The following ZWILCH variants were observed in gnomAD, a reference collection of about 807,000 sequenced individuals.
The protein encoded by ZWILCH is zwilch kinetochore protein.
A neutral mutation model predicts 79.9 loss-of-function variants in ZWILCH; 74 were observed. The observed-to-expected ratio is 0.93, with a 90% CI of 0.77 to 1.12. The LOEUF (loss-of-function observed/expected upper bound fraction) is 1.12. ZWILCH is among the 50% of genes most tolerant of loss of function. The pLI, the probability that ZWILCH is intolerant of heterozygous loss-of-function variation, is 0.00. For synonymous variants in ZWILCH, 241 were observed against 228.2 expected (o/e 1.06, Z -0.51); for missense variants, 694 against 687.5 (o/e 1.01, Z -0.11).
At chr15:66,520,324 T>C (rs937010233) in intron 5 of ZWILCH, among the ~76,000 whole-genome samples, 1 of 152,114 alleles carries the variant, frequency 6.6e-6, no homozygotes, top group African/African-American at 2.4e-5. Flanking sequence ...TCTTGCTATG[T>C]TGCCCAGGCT....
chr15:66,535,905 C>T (rs1894999902), intron 14 of ZWILCH, 28 bp from the exon 15 acceptor site: 1 of 1,577,882 alleles, frequency 6.3e-7, no homozygotes, highest in Non-Finnish European at 8.6e-7. Context: ...CTTTAAATCT[C>T]TATTTTGCTT....
intron 4 of ZWILCH, 45 bp downstream of exon 4, chr15:66,515,689 A>T: frequency 7.7e-7 from 1 of 1,296,490 alleles, no homozygotes; most frequent in East Asian, 2.3e-5. Flanking sequence ...CTAGGATTTA[A>T]ATTGAAACAT....
intron 5 of ZWILCH, 109 bp downstream of exon 5, chr15:66,519,187 A>G (rs1894401765): frequency 9.4e-7 from 1 of 1,066,142 alleles, no homozygotes; most frequent in Non-Finnish European, 1.4e-6. Flanking sequence ...TGCACAAGGT[A>G]GAACTTGCAT....
chr15:66,518,959 C>T lies in ZWILCH; in HGVS notation c.401C>T (p.Pro134Leu). Residue 134 changes from proline (P) to leucine (L), a missense_variant, in exon 5 of 19, where the codon CCT becomes CTT. Transcript: ENST00000307897. ...LKINLPVTAL[P>L]PLWVRCDSSD... Reference sequence around the variant, plus strand: ...ATTAATCTGCCAGTTACTGCCCTTCCTCCCCTTTGGGTAAGATGTGACAGT... The same window carrying T: ...ATTAATCTGCCAGTTACTGCCCTTCTTCCCCTTTGGGTAAGATGTGACAGT... 6.2e-7 allele frequency: 1 copy of T among 1,614,182 alleles called. No homozygotes were observed. The highest frequency in any genetic ancestry group is 1.1e-5 in the South Asian group (1 of 91,090).
intron 8 of ZWILCH, among the ~76,000 whole-genome samples, chr15:66,526,751 G>A (rs1005657460): frequency 1.4e-4 from 21 of 151,872 alleles, no homozygotes; most frequent in African/African-American, 4.4e-4. Flanking sequence ...TGTGAGCCAC[G>A]GCGCCCGGCA....
chr15:66,509,851 A>G (rs868032795), intron 2 of ZWILCH, among the ~76,000 whole-genome samples: 3 of 91,974 alleles, frequency 3.3e-5, no homozygotes, highest in Admixed American at 1.2e-4. Context: ...ATATATATAT[A>G]TATATATATA....
intron 16 of ZWILCH, among the ~76,000 whole-genome samples, chr15:66,537,723 G>A (rs1411428327): frequency 6.6e-6 from 1 of 151,810 alleles, no homozygotes; most frequent in Non-Finnish European, 1.5e-5. Flanking sequence ...TAATAAATAA[G>A]CATTTTAATT....
chr15:66,521,128 G>A lies in ZWILCH; in HGVS notation c.670G>A (p.Ala224Thr), dbSNP rs750272676. The A allele has an allele frequency of 9.9e-6, 16 of 1,613,992 alleles. No individual in the cohort carries two copies. The highest frequency in any genetic ancestry group is 1.3e-5 in the African/African-American group (1 of 74,916). Residue 224 changes from alanine to threonine, a missense_variant, in exon 7 of 19, where the codon GCG becomes ACG. Transcript: ENST00000307897. ...LDDTITASQT[A>T]IALDISWSPV... ...TGATACAATCACAGCATCACAAACT[G>A]CGATCGCTTTGGATATTTCCTGGAG...
At chr15:66,544,724 T>TTTTG (rs145952622) in intron 17 of ZWILCH, among the ~76,000 whole-genome samples, 31 of 128,544 alleles carry the variant, frequency 2.4e-4, no homozygotes, top group Middle Eastern at 8.0e-3. Flanking sequence ...TTTTTGGTTT[T>TTTTG]TGTGTGTGTG....
At chr15:66,540,390 A>G (rs1377156837) in intron 17 of ZWILCH, among the ~76,000 whole-genome samples, 180 bp downstream of exon 17, 1 of 151,950 alleles carries the variant, frequency 6.6e-6, no homozygotes, top group East Asian at 2.0e-4. Flanking sequence ...CATCTCTACT[A>G]AAAATACAAA....
At chr15:66,517,983 G>A (rs559448852) in intron 4 of ZWILCH, among the ~76,000 whole-genome samples, 19 of 151,556 alleles carry the variant, frequency 1.3e-4, no homozygotes, top group African/African-American at 4.1e-4. Context: ...TGCCCACCTC[G>A]GCCTCCCAAA....
chr15:66,532,976 T>C lies in ZWILCH; in HGVS notation c.1313-9T>C. 1 of 1,559,228 alleles carries C rather than the reference T, an allele frequency of 6.4e-7. No homozygotes were observed. Among genetic ancestry groups the C allele is most frequent in the East Asian group, 2.3e-5 (1 of 43,444 alleles). ...AGTGTTTTTGCATGTATGTGTTTTTTCTTAATAGGTCAGGAACTTGCATCT... is the reference window on the plus strand; with the variant it reads ...AGTGTTTTTGCATGTATGTGTTTTTCCTTAATAGGTCAGGAACTTGCATCT... On this transcript the variant is annotated splice_polypyrimidine_tract_variant and intron_variant, in intron 13 of 18. Transcript: ENST00000307897.
chr15:66,508,714 C>T (rs1324971603), intron 1 of ZWILCH, 127 bp from the exon 2 acceptor site: 2 of 1,464,456 alleles, frequency 1.4e-6, no homozygotes, highest in African/African-American at 1.4e-5. Flanking sequence ...CTTAGGGCTG[C>T]TGTAAGTACT....
At chr15:66,515,794 A>G (rs762104717) in intron 4 of ZWILCH, 150 bp downstream of exon 4, 72 of 669,510 alleles carry the variant, frequency 1.1e-4, no homozygotes, top group Non-Finnish European at 1.6e-4. Context: ...GGATAGTTCT[A>G]CTTGAATATT....
chr15:66,512,675 T>G (rs868477462), intron 2 of ZWILCH, among the ~76,000 whole-genome samples: 1 of 152,312 alleles, frequency 6.6e-6, no homozygotes, highest in East Asian at 1.9e-4. Flanking sequence ...TGGCATGATA[T>G]CGGCTCACTG....
At position 66,548,843 on chromosome 15, in the gene ZWILCH, A is replaced by G. The variant is rs1322632560; in HGVS notation, c.*519A>G. ...ATAAATGCCTGAATTTGGTTCTTCT[A>G]CAGGTGCTATAATAAAGTCCATCTC... On this transcript the variant is annotated 3_prime_UTR_variant, in exon 19 of 19. Transcript: ENST00000307897. 3 of 284,472 alleles carry G rather than the reference A, an allele frequency of 1.1e-5. No homozygotes were observed. The highest frequency in any genetic ancestry group is 2.2e-5 in the African/African-American group (1 of 46,268). 17.6% of individuals were successfully genotyped at this position (284,472 alleles called of 1,614,324 possible). A position where few individuals can be genotyped will look rare whatever the true frequency, so the allele number is the denominator to read the frequency against.
intron 14 of ZWILCH, 54 bp from the exon 15 acceptor site, chr15:66,535,879 A>G: frequency 6.6e-7 from 1 of 1,515,992 alleles, no homozygotes; most frequent in Non-Finnish European, 8.8e-7. Context: ...TATTCTTTAC[A>G]AAGGTTACAC....
chr15:66,536,198 A>C, intron 15 of ZWILCH, 129 bp downstream of exon 15: 1 of 794,432 alleles, frequency 1.3e-6, no homozygotes, highest in South Asian at 2.2e-5. Context: ...AGTAGCATGC[A>C]TGAGTCTAAG....
chr15:66,505,724 C>T (rs1044040548), intron 1 of ZWILCH: 6 of 372,660 alleles, frequency 1.6e-5, no homozygotes, highest in African/African-American at 1.1e-4. Context: ...TGGCATCCTT[C>T]CCCTGTTTAA....
Sources: allele counts gnomAD v4.1 joint callset (sites outside exome capture counted in the v4.1 genomes callset), GRCh38; gene constraint gnomAD v4.1.1; transcripts MANE v1.5; gene names NCBI Gene and HGNC (gene_info 2026-07-23, HGNC 2026-07-21).